WNT3: variants seen among roughly 807,000 people sequenced by gnomAD.
WNT3 encodes Wnt family member 3.
In WNT3, 7 loss-of-function variants were observed where a neutral mutation model predicts 34.2. The ratio of observed to expected loss-of-function variants is 0.20; its 90% CI spans 0.12 to 0.38. The LOEUF (loss-of-function observed/expected upper bound fraction) is 0.38, where lower values mean the gene tolerates loss of function less well. WNT3 is among the 10% of genes least tolerant of loss of function. The pLI is 1.00. For missense variants in WNT3, 267 were observed against 499.8 expected, an observed-to-expected ratio of 0.53 and a Z score of 4.44; for synonymous variants, 212 against 211.5, an observed-to-expected ratio of 1.00 and a Z score of -0.02.
chr17:46,763,922 C>T lies in WNT3; in HGVS notation c.*708G>A, dbSNP rs1001769266. 6.6e-6 allele frequency: 1 copy of T among 151,878 alleles called. No homozygotes were observed. The highest frequency in any genetic ancestry group is 1.5e-5 in the Non-Finnish European group (1 of 68,010). 9.4% of individuals were successfully genotyped at this position (151,878 alleles called of 1,614,324 possible). A position where few individuals can be genotyped will look rare whatever the true frequency, so the allele number is the denominator to read the frequency against. ...GAAAAAGATTTTGAGATCTGACTGC[C>T]CCTCGTGCAGAACAGGGTTATAGAG... is the stretch of plus-strand genomic sequence containing the variant. On this transcript the variant is annotated 3_prime_UTR_variant, in exon 5 of 5. Coordinates refer to ENST00000225512, the MANE Select transcript of WNT3 (RefSeq NM_030753.5).
intron 1 of WNT3, among the ~76,000 whole-genome samples, chr17:46,802,426 C>A (rs772005397): frequency 6.6e-6 from 1 of 152,138 alleles, no homozygotes; most frequent in Non-Finnish European, 1.5e-5. Context: ...CCACCATGCT[C>A]GGCTAATTTT....
chr17:46,773,644 C>T (rs1230607729), intron 2 of WNT3, 24 bp downstream of exon 2: 1 of 1,285,716 alleles, frequency 7.8e-7, no homozygotes, highest in Admixed American at 2.0e-5. Context: ...AGCCCCTCCC[C>T]CCCCCTCAGC....
intron 1 of WNT3, among the ~76,000 whole-genome samples, chr17:46,775,762 C>T (rs1449148212): frequency 6.6e-6 from 1 of 151,842 alleles, no homozygotes; most frequent in East Asian, 1.9e-4. Context: ...TACAGGTGCC[C>T]ACCACCACGC....
chr17:46,774,350 A>ACGCG (rs752128701), intron 1 of WNT3, among the ~76,000 whole-genome samples: 1 of 152,102 alleles, frequency 6.6e-6, no homozygotes, highest in Non-Finnish European at 1.5e-5. Context: ...CTCATGGGAC[A>ACGCG]CGCGCGCGCG....
chr17:46,768,808 G>C lies in WNT3; in HGVS notation c.589-9C>G. ...ATGTGGTCCAGGATAGTCTGGGGGA[G>C]AGAAGTGGCAGCTGGCCAACAGACC... On this transcript the variant is annotated splice_polypyrimidine_tract_variant and intron_variant, in intron 3 of 4. Transcript: ENST00000225512. The surrounding 1 kb of genome is among the most constrained non-coding windows in gnomAD (Gnocchi z 5.0). The C allele has an allele frequency of 6.2e-7, 1 of 1,611,940 alleles. No homozygotes were observed.
chr17:46,779,657 T>C (rs1262531996), intron 1 of WNT3, among the ~76,000 whole-genome samples: 1 of 152,234 alleles, frequency 6.6e-6, no homozygotes, highest in African/African-American at 2.4e-5. Flanking sequence ...TGGCCTTATC[T>C]AACTCCCATC....
chr17:46,773,189 G>A (rs1488271934), intron 2 of WNT3, among the ~76,000 whole-genome samples: 1 of 152,092 alleles, frequency 6.6e-6, no homozygotes, highest in African/African-American at 2.4e-5. Flanking sequence ...GGCATATCCA[G>A]CTGACAGGGC....
chr17:46,802,355 T>C (rs1337864883), intron 1 of WNT3, among the ~76,000 whole-genome samples: 1 of 152,208 alleles, frequency 6.6e-6, no homozygotes, highest in South Asian at 2.1e-4. Flanking sequence ...AACCTCCGCC[T>C]CCTGGGTTCA....
chr17:46,790,130 T>C (rs538821322), intron 1 of WNT3, among the ~76,000 whole-genome samples: 1 of 152,310 alleles, frequency 6.6e-6, no homozygotes, highest in East Asian at 1.9e-4. Flanking sequence ...CATTTTCCTC[T>C]GCACCTCCTT....
At chr17:46,769,670 G>A in intron 3 of WNT3, 113 bp downstream of exon 3, 1 of 1,443,510 alleles carries the variant, frequency 6.9e-7, no homozygotes, top group Non-Finnish European at 9.4e-7. Flanking sequence ...AAGGGGAAAA[G>A]GAGCCCGCGA....
chr17:46,802,934 C>A (rs2146446257), intron 1 of WNT3, among the ~76,000 whole-genome samples: 1 of 152,274 alleles, frequency 6.6e-6, no homozygotes, highest in East Asian at 1.9e-4. Flanking sequence ...GAGGAAGTCA[C>A]AGGAACCCTG....
intron 1 of WNT3, among the ~76,000 whole-genome samples, chr17:46,777,242 C>T (rs1027914043): frequency 5.9e-5 from 9 of 152,186 alleles, no homozygotes; most frequent in African/African-American, 9.7e-5. Context: ...AAGCAGAGGC[C>T]GTGAAAGAGG....
At chr17:46,770,316 G>C (rs1005516768) in intron 2 of WNT3, among the ~76,000 whole-genome samples, 1 of 152,228 alleles carries the variant, frequency 6.6e-6, no homozygotes, top group Admixed American at 6.5e-5. Context: ...AGCAGTGCCT[G>C]TTAGAAACAG....
intron 1 of WNT3, among the ~76,000 whole-genome samples, chr17:46,783,082 A>C (rs991309430): frequency 6.6e-6 from 1 of 152,158 alleles, no homozygotes; most frequent in Non-Finnish European, 1.5e-5. Flanking sequence ...GGGCTAGTTC[A>C]TTCTCTCAAC....
At chr17:46,818,389 G>T in intron 1 of WNT3, 129 bp downstream of exon 1, 2 of 857,022 alleles carry the variant, frequency 2.3e-6, no homozygotes, top group Non-Finnish European at 3.8e-6. Context: ...GGGGTGGGCG[G>T]GTGGGGGGCT....
At chr17:46,770,845 A>T (rs2059359600) in intron 2 of WNT3, among the ~76,000 whole-genome samples, 1 of 152,226 alleles carries the variant, frequency 6.6e-6, no homozygotes, top group South Asian at 2.1e-4. Context: ...ATTCACATGG[A>T]AAGTTTTACT....
At chr17:46,774,288 G>A (rs996606671) in intron 1 of WNT3, among the ~76,000 whole-genome samples, 14 of 152,236 alleles carry the variant, frequency 9.2e-5, no homozygotes, top group Non-Finnish European at 1.6e-4. Context: ...ATCAGGCTGG[G>A]CAATTTCCAA....
intron 1 of WNT3, among the ~76,000 whole-genome samples, chr17:46,804,489 C>CCT (rs1370611608): frequency 5.1e-4 from 77 of 152,220 alleles, no homozygotes; most frequent in Non-Finnish European, 9.7e-4. Flanking sequence ...AAGGGAAGTG[C>CCT]TGTAAGACAC....
chr17:46,803,323 C>T (rs936988289), intron 1 of WNT3, among the ~76,000 whole-genome samples: 7 of 152,346 alleles, frequency 4.6e-5, no homozygotes, highest in Admixed American at 2.6e-4. Context: ...CACCTGAGCT[C>T]AGGAGTTTGA....
Sources: allele counts gnomAD v4.1 joint callset (sites outside exome capture counted in the v4.1 genomes callset), GRCh38; gene constraint gnomAD v4.1.1; non-coding constraint Gnocchi (gnomAD v3.1); transcripts MANE v1.5; gene names NCBI Gene and HGNC (gene_info 2026-07-23, HGNC 2026-07-21).